The following GRID2 variants were observed in gnomAD, a reference collection of about 807,000 sequenced individuals.
The protein encoded by GRID2 is glutamate ionotropic receptor delta type subunit 2.
In GRID2, 33 loss-of-function variants were observed where a neutral mutation model predicts 114.8. That is an observed-to-expected ratio of 0.29 (90% CI 0.22 to 0.38). GRID2 has a LOEUF of 0.38. Among genes scored for constraint, GRID2 ranks in the 10% least tolerant of loss-of-function variants. The pLI is 1.00. For synonymous variants in GRID2, 505 were observed against 449.9 expected, an observed-to-expected ratio of 1.12 and a Z score of -1.55; for missense variants, 1,184 against 1,257.7, an observed-to-expected ratio of 0.94 and a Z score of 0.89.
intron 14 of GRID2, among the ~76,000 whole-genome samples, chr4:93,658,125 A>T (rs1180283011): frequency 2.0e-5 from 3 of 152,184 alleles, no homozygotes; most frequent in Non-Finnish European, 2.9e-5. Context: ...ATCTTAGGGC[A>T]ACATTTATAA....
intron 8 of GRID2, among the ~76,000 whole-genome samples, chr4:93,321,221 G>C (rs1757175921): frequency 6.6e-6 from 1 of 151,862 alleles, no homozygotes; most frequent in East Asian, 1.9e-4. Context: ...CCTGAGAAGG[G>C]GTGGTCAGGA....
At chr4:92,618,212 T>G (rs139871611) in intron 2 of GRID2, among the ~76,000 whole-genome samples, 1 of 151,886 alleles carries the variant, frequency 6.6e-6, no homozygotes, top group East Asian at 1.9e-4. Flanking sequence ...GATCTAGTTT[T>G]ATTTTTCTGC....
intron 2 of GRID2, among the ~76,000 whole-genome samples, chr4:92,788,639 C>T (rs1473407952): frequency 6.6e-6 from 1 of 151,730 alleles, no homozygotes; most frequent in Admixed American, 6.6e-5. Flanking sequence ...TTGGGTGTAA[C>T]AATTATATAA....
chr4:92,815,863 C>T (rs1196935264), intron 2 of GRID2, among the ~76,000 whole-genome samples: 1 of 141,808 alleles, frequency 7.1e-6, no homozygotes, highest in African/African-American at 2.6e-5. Flanking sequence ...TGCAGTGAGC[C>T]GTGACCGTAT....
intron 1 of GRID2, among the ~76,000 whole-genome samples, chr4:92,447,274 A>G (rs1288215754): frequency 2.0e-5 from 3 of 152,198 alleles, no homozygotes; most frequent in Admixed American, 1.3e-4. Flanking sequence ...AACTAGTCCA[A>G]TGAAATAAAG....
chr4:93,730,567 A>T (rs568618425), intron 14 of GRID2, among the ~76,000 whole-genome samples: 1 of 152,206 alleles, frequency 6.6e-6, no homozygotes, highest in African/African-American at 2.4e-5. Flanking sequence ...GCTCCCCCCA[A>T]TCCCATTGCA....
At chr4:92,517,095 A>G (rs1301434242) in intron 1 of GRID2, among the ~76,000 whole-genome samples, 1 of 142,716 alleles carries the variant, frequency 7.0e-6, no homozygotes, top group Non-Finnish European at 1.6e-5. Context: ...TTGCTTGTAT[A>G]ATAATGACCA....
At chr4:92,482,620 G>C (rs955720524) in intron 1 of GRID2, among the ~76,000 whole-genome samples, 1 of 151,902 alleles carries the variant, frequency 6.6e-6, no homozygotes, top group African/African-American at 2.4e-5. Flanking sequence ...TTTTTAAGAC[G>C]AGATTAATTT....
rs142104487 is a variant in GRID2 at position 92,950,589 on chromosome 4, G to A, written c.245-134406G>A. Among the ~76,000 whole-genome samples, 398 of 152,256 alleles carry A rather than the reference G, an allele frequency of 2.6e-3. 5 individuals are homozygous for A. The highest frequency in any genetic ancestry group is 9.3e-3 in the African/African-American group (386 of 41,554). On this transcript the variant is annotated intron_variant, in intron 2 of 15. Coordinates refer to ENST00000282020, the MANE Select transcript of GRID2 (RefSeq NM_001510.4). ...TCCTACTTCAGTCCCAGAAGAAACT[G>A]GGTTAGTCACAGATAGTTCTTCATA...
intron 10 of GRID2, among the ~76,000 whole-genome samples, chr4:93,436,752 C>T (rs9790436): frequency 0.59 from 89,243 of 151,784 alleles, 26,653 homozygotes; most frequent in East Asian, 0.71. Flanking sequence ...TTTGTGTCAC[C>T]GCTTCACTGC....
intron 13 of GRID2, among the ~76,000 whole-genome samples, chr4:93,537,856 GTTCA>G (rs1480443860): frequency 6.6e-6 from 1 of 151,512 alleles, no homozygotes; most frequent in Non-Finnish European, 1.5e-5. Context: ...ATCAGAATAT[GTTCA>G]TTTTTTCCTT....
rs552246266 is a variant in GRID2, at chr4:92,937,152, C to T, written c.245-147843C>T. ...CTTGTCTTTCTCTTTCCCTTTCTCT[C>T]GCTGTCTTGATAGTGTCCTTAGATA... On this transcript the variant is annotated intron_variant, in intron 2 of 15. Transcript: ENST00000282020. Among the ~76,000 whole-genome samples the T allele has an allele frequency of 7.5e-5, 11 of 146,372 alleles. 1 individual carries two copies. Among genetic ancestry groups the T allele is most frequent in the East Asian group, 4.4e-4 (2 of 4,584 alleles).
In GRID2 at chr4:92,955,784, G is replaced by C. The variant is rs1453341434; in HGVS notation, c.245-129211G>C. Reference sequence around the variant, plus strand: ...TTAAGTCTTTAATCCATTTTGAATTGATTTTTGTATAAGGTGTAAGGAAGG... The same window carrying C: ...TTAAGTCTTTAATCCATTTTGAATTCATTTTTGTATAAGGTGTAAGGAAGG... On this transcript the variant is annotated intron_variant, in intron 2 of 15. Coordinates refer to ENST00000282020, the MANE Select transcript of GRID2 (RefSeq NM_001510.4). 2.6e-5 allele frequency among the ~76,000 whole-genome samples: 4 copies of C among 152,144 alleles called. No individual in the cohort carries two copies. In the East Asian group the frequency reaches 7.7e-4, roughly 29 times the overall value.
At chr4:93,019,130 T>C (rs145147001) in intron 2 of GRID2, among the ~76,000 whole-genome samples, 4 of 152,266 alleles carry the variant, frequency 2.6e-5, no homozygotes, top group Non-Finnish European at 5.9e-5. Context: ...CAGACTGAGT[T>C]CCAATATATA....
chr4:92,306,505 T>C (rs748492701), intron 1 of GRID2, among the ~76,000 whole-genome samples: 56 of 152,230 alleles, frequency 3.7e-4, no homozygotes, highest in Non-Finnish European at 6.8e-4. Flanking sequence ...AATGCAGATA[T>C]ATAATCATAA....
chr4:93,258,777 C>A, intron 8 of GRID2: 2 of 360,382 alleles, frequency 5.5e-6, no homozygotes, highest in South Asian at 2.2e-5. Context: ...TATAATTAAC[C>A]ACTACAACTA....
chr4:92,510,858 T>TAA (rs58768935), intron 1 of GRID2, among the ~76,000 whole-genome samples: 43,941 of 143,864 alleles, frequency 0.31, 6,682 homozygotes, highest in Non-Finnish European at 0.35. Flanking sequence ...ATGTGTCAAT[T>TAA]AAAAAAAAAA....
chr4:93,461,472 A>C (rs1003503493), intron 11 of GRID2, among the ~76,000 whole-genome samples: 1 of 152,142 alleles, frequency 6.6e-6, no homozygotes, highest in Non-Finnish European at 1.5e-5. Context: ...TGCAGTCTTC[A>C]TTGAGCCACT....
intron 2 of GRID2, among the ~76,000 whole-genome samples, chr4:92,724,410 A>T (rs56174708): frequency 6.6e-6 from 1 of 152,128 alleles, no homozygotes; most frequent in Non-Finnish European, 1.5e-5. Flanking sequence ...TATCATGTTC[A>T]TCTCACTCTT....
Sources: allele counts gnomAD v4.1 joint callset (sites outside exome capture counted in the v4.1 genomes callset), GRCh38; gene constraint gnomAD v4.1.1; transcripts MANE v1.5; gene names NCBI Gene and HGNC (gene_info 2026-07-23, HGNC 2026-07-21).